STAG1: variants seen among roughly 807,000 people sequenced by gnomAD.
STAG1 encodes the protein cohesin subunit SA-1.
Under a neutral mutation model 170.9 loss-of-function variants are expected in STAG1, and 26 were observed. The observed-to-expected ratio is 0.15, with a 90% CI of 0.11 to 0.21. The LOEUF (loss-of-function observed/expected upper bound fraction) is 0.21. Among genes scored for constraint, STAG1 ranks in the 10% least tolerant of loss-of-function variants. STAG1 has a pLI of 1.00. For synonymous variants in STAG1, 514 were observed against 497.7 expected (o/e 1.03, Z -0.44); for missense variants, 964 against 1,509.5 (o/e 0.64, Z 5.99).
chr3:136,417,281 A>G (rs1228964355), intron 21 of STAG1, among the ~76,000 whole-genome samples: 1 of 152,224 alleles, frequency 6.6e-6, no homozygotes, highest in Non-Finnish European at 1.5e-5. Flanking sequence ...TATTACCTAC[A>G]CTTAATGATG....
intron 5 of STAG1, among the ~76,000 whole-genome samples, chr3:136,549,297 G>C (rs1183959771): frequency 6.6e-6 from 1 of 151,792 alleles, no homozygotes; most frequent in Non-Finnish European, 1.5e-5. Context: ...CATTTTTGTG[G>C]AATAATCAGT....
At chr3:136,497,792 T>G (rs1021259872) in intron 9 of STAG1, among the ~76,000 whole-genome samples, 1 of 150,114 alleles carries the variant, frequency 6.7e-6, no homozygotes, top group Non-Finnish European at 1.5e-5. Flanking sequence ...GAGGTGGAGC[T>G]TGCAGTGAGC....
At chr3:136,642,582 C>A (rs527723230) in intron 1 of STAG1, among the ~76,000 whole-genome samples, 29 of 152,088 alleles carry the variant, frequency 1.9e-4, no homozygotes, top group Non-Finnish European at 2.8e-4. Context: ...TTCAAGCAAC[C>A]CTTGATGGAC....
chr3:136,424,077 G>A (rs1373333227), intron 16 of STAG1, among the ~76,000 whole-genome samples: 2 of 151,878 alleles, frequency 1.3e-5, no homozygotes, highest in Non-Finnish European at 2.9e-5. Flanking sequence ...TGACGAGGCT[G>A]GTCTCAAACT....
At chr3:136,465,728 C>G (rs983047107) in intron 12 of STAG1, among the ~76,000 whole-genome samples, 4 of 151,922 alleles carry the variant, frequency 2.6e-5, no homozygotes, top group Non-Finnish European at 5.9e-5. Context: ...ATTAGACCAA[C>G]ACAAAAATTG....
intron 6 of STAG1, among the ~76,000 whole-genome samples, chr3:136,525,386 G>C (rs1381972689): frequency 6.6e-6 from 1 of 152,150 alleles, no homozygotes; most frequent in African/African-American, 2.4e-5. Flanking sequence ...TTTGCGTAGA[G>C]GTGTTTATAG....
chr3:136,733,889 C>T (rs1934180891), intron 1 of STAG1, among the ~76,000 whole-genome samples: 1 of 152,110 alleles, frequency 6.6e-6, no homozygotes, highest in Admixed American at 6.6e-5. Context: ...GGGCGGATCA[C>T]AAGGTCAGGA....
At chr3:136,348,485 T>C (rs1286815544) in intron 29 of STAG1, among the ~76,000 whole-genome samples, 1 of 152,172 alleles carries the variant, frequency 6.6e-6, no homozygotes, top group Non-Finnish European at 1.5e-5. Context: ...CATAGCTCAC[T>C]GCAACCTCAA....
intron 1 of STAG1, among the ~76,000 whole-genome samples, chr3:136,707,801 A>T (rs1017163803): frequency 6.6e-6 from 1 of 152,196 alleles, no homozygotes; most frequent in Non-Finnish European, 1.5e-5. Context: ...GAAAGCAAGA[A>T]TTCACTCACT....
chr3:136,442,100 A>G (rs1324003049), intron 15 of STAG1, among the ~76,000 whole-genome samples: 1 of 152,198 alleles, frequency 6.6e-6, no homozygotes, highest in African/African-American at 2.4e-5. Flanking sequence ...CAGGAGCCTG[A>G]GGCAGAAGGA....
chr3:136,448,706 A>C, intron 14 of STAG1, among the ~76,000 whole-genome samples: 1 of 152,192 alleles, frequency 6.6e-6, no homozygotes, highest in South Asian at 2.1e-4. Flanking sequence ...CGGGAGACTG[A>C]GGAGGGTGGA....
chr3:136,718,767 AT>A (rs1216876319), intron 1 of STAG1, among the ~76,000 whole-genome samples: 4 of 152,046 alleles, frequency 2.6e-5, no homozygotes, highest in African/African-American at 9.7e-5. Flanking sequence ...TCTACTACGA[AT>A]ACAAAAAAAT....
chr3:136,668,707 T>C (rs1941891568), intron 1 of STAG1, among the ~76,000 whole-genome samples: 1 of 152,008 alleles, frequency 6.6e-6, no homozygotes, highest in East Asian at 1.9e-4. Flanking sequence ...TGAGCAGAAA[T>C]GGTCAGACCG....
Position 136,703,453 on chromosome 3 carries a change from G to C in STAG1, c.-84+48742C>G, listed in dbSNP as rs1943136532. On this transcript the variant is annotated intron_variant, in intron 1 of 33. Coordinates refer to ENST00000383202, the MANE Select transcript of STAG1 (RefSeq NM_005862.3). The stretch of plus-strand genomic sequence containing the variant: ...TTTTATCTGCCTGGTGGATCACTAA[G>C]GGACCTGCATGGAGGCTGACCACTG... Among the ~76,000 whole-genome samples, 4 of 152,178 alleles carry C rather than the reference G, an allele frequency of 2.6e-5. No homozygotes were observed. The South Asian group carries it at 8.3e-4, about 32-fold the overall frequency.
At chr3:136,563,601 G>T (rs115466639) in intron 5 of STAG1, among the ~76,000 whole-genome samples, 1,280 of 126,368 alleles carry the variant, frequency 0.01, 23 homozygotes, top group African/African-American at 0.036. Context: ...TTTCTTTCCT[G>T]TATTTCTTTT....
At chr3:136,522,897 CTCA>C (rs1357528817) in intron 6 of STAG1, among the ~76,000 whole-genome samples, 4 of 152,124 alleles carry the variant, frequency 2.6e-5, no homozygotes, top group African/African-American at 9.7e-5. Flanking sequence ...AGGACATGAA[CTCA>C]TCATTTTTTA....
chr3:136,711,056 GAA>G (rs995028492), intron 1 of STAG1, among the ~76,000 whole-genome samples: 1 of 148,232 alleles, frequency 6.7e-6, no homozygotes, highest in Non-Finnish European at 1.5e-5. Context: ...CTTACAAAAA[GAA>G]AAATATATAT....
rs140531487 is a variant in STAG1, at chr3:136,514,749, C to T, written c.676+6464G>A. Among the ~76,000 whole-genome samples, 1,211 of 152,234 alleles carry T rather than the reference C, an allele frequency of 8.0e-3. 22 individuals carry two copies. Among genetic ancestry groups the T allele is most frequent in the African/African-American group, 0.027 (1,113 of 41,522 alleles). On this transcript the variant is annotated intron_variant, in intron 7 of 33. Transcript: ENST00000383202. ...ATGCAGCCATAAAAAAGGATGAGTT[C>T]ACGTCCTTTGCAGGGGCATGGATGC... is the stretch of plus-strand genomic sequence containing the variant.
chr3:136,424,093 C>T (rs949090476), intron 16 of STAG1, among the ~76,000 whole-genome samples: 1 of 151,970 alleles, frequency 6.6e-6, no homozygotes, highest in South Asian at 2.1e-4. Flanking sequence ...AAACTCCTGA[C>T]CTCAAGTGAT....
Sources: gnomAD v4.1 joint callset for allele counts (sites outside exome capture counted in the v4.1 genomes callset) on GRCh38, gnomAD v4.1.1 for gene constraint, MANE v1.5 for transcripts, NCBI Gene and HGNC (gene_info 2026-07-23, HGNC 2026-07-21) for gene names.